The following SHQ1 variants were observed in gnomAD, a reference collection of about 807,000 sequenced individuals.
The protein encoded by SHQ1 is protein SHQ1 homolog.
A neutral mutation model predicts 53.8 loss-of-function variants in SHQ1; 49 were observed. That is an observed-to-expected ratio of 0.91 (90% CI 0.72 to 1.16). The LOEUF is 1.16. Ranked by LOEUF, SHQ1 falls within the 50% of genes most tolerant of loss-of-function variation. The probability of loss-of-function intolerance (pLI) is 0.00; values close to 1 mark genes in which losing one functional copy is unlikely to be tolerated. For missense variants in SHQ1, 738 were observed against 683.1 expected, an observed-to-expected ratio of 1.08 and a Z score of -0.90; for synonymous variants, 243 against 251.0, an observed-to-expected ratio of 0.97 and a Z score of 0.30.
At chr3:72,757,887 C>A (rs1705531982) in intron 10 of SHQ1, among the ~76,000 whole-genome samples, 1 of 152,084 alleles carries the variant, frequency 6.6e-6, no homozygotes, top group Non-Finnish European at 1.5e-5. Flanking sequence ...AGGCTTAATA[C>A]CTGGGTGGTG....
At chr3:72,799,869 T>C (rs565364724) in intron 9 of SHQ1, among the ~76,000 whole-genome samples, 101 of 152,246 alleles carry the variant, frequency 6.6e-4, no homozygotes, top group South Asian at 2.1e-3. Flanking sequence ...AACTCATAAT[T>C]TACCATCTAT....
rs1199236274 is a variant in SHQ1 at position 72,812,787 on chromosome 3, G to T, written c.944C>A (p.Thr315Asn). The change falls in exon 9 of 11, where the codon ACT (threonine) becomes AAT (asparagine). Residue 315 changes from threonine (T) to asparagine (N), a missense_variant. Thr to Asn is a moderately conservative substitution (Grantham distance 65). Transcript: ENST00000325599. ...SPTLCWFETWTNVHDIMVSFG... is the reference protein window; with the variant it reads ...SPTLCWFETWNNVHDIMVSFG... ...AGACACCATGATATCATGAACGTTA[G>T]TCCAAGTCTGTGAAGTGTCATTTTA... 6.2e-7 allele frequency: 1 copy of T among 1,613,816 alleles called. No individual in the cohort carries two copies. The highest frequency in any genetic ancestry group is 8.5e-7 in the Non-Finnish European group (1 of 1,179,950).
chr3:72,827,013 G>A (rs1230156345), intron 5 of SHQ1, among the ~76,000 whole-genome samples: 2 of 152,206 alleles, frequency 1.3e-5, no homozygotes, highest in Non-Finnish European at 2.9e-5. Context: ...GGTGGCCTAG[G>A]ATAAGAGAGT....
chr3:72,777,853 T>C (rs1705988731), intron 10 of SHQ1, among the ~76,000 whole-genome samples: 1 of 152,172 alleles, frequency 6.6e-6, no homozygotes, highest in Admixed American at 6.5e-5. Flanking sequence ...ATTCAGACAA[T>C]GGGATAGTAC....
At chr3:72,777,490 CAG>C (rs1705982577) in intron 10 of SHQ1, among the ~76,000 whole-genome samples, 1 of 152,186 alleles carries the variant, frequency 6.6e-6, no homozygotes, top group Admixed American at 6.5e-5. Context: ...AAAATTACAA[CAG>C]AAACTATTTC....
In SHQ1 at chr3:72,765,530, C is replaced by CATATATATAT. The variant is rs10551107; in HGVS notation, c.1182-14704_1182-14695dup. ...ACCTCTGCCTCCCAGATTCACATGA[C>CATATATATAT]ATATATATATATATATATATATATA... On this transcript the variant is annotated intron_variant, in intron 10 of 10. Coordinates refer to ENST00000325599, the MANE Select transcript of SHQ1 (RefSeq NM_018130.3). 1.9e-4 allele frequency among the ~76,000 whole-genome samples: 16 copies of CATATATATAT among 83,508 alleles called. 1 individual carries two copies. The highest frequency in any genetic ancestry group is 8.0e-4 in the African/African-American group (13 of 16,186). The allele number at this position is 83,508 out of a possible 152,430, so 54.8% of individuals were successfully genotyped here. A position where few individuals can be genotyped will look rare whatever the true frequency, so the allele number is the denominator to read the frequency against.
At chr3:72,781,941 C>A (rs886731054) in intron 10 of SHQ1, among the ~76,000 whole-genome samples, 1 of 151,956 alleles carries the variant, frequency 6.6e-6, no homozygotes, top group Admixed American at 6.5e-5. Context: ...TTTATGTACT[C>A]CCTGGAAAAA....
intron 10 of SHQ1, among the ~76,000 whole-genome samples, chr3:72,763,156 T>G (rs894415307): frequency 6.6e-6 from 1 of 151,692 alleles, no homozygotes. Flanking sequence ...TCTGGTTAAG[T>G]AAAAAACACC....
At chr3:72,754,985 T>C (rs1258912496) in intron 10 of SHQ1, among the ~76,000 whole-genome samples, 1 of 152,200 alleles carries the variant, frequency 6.6e-6, no homozygotes, top group Admixed American at 6.5e-5. Flanking sequence ...TATTGTGTCC[T>C]GTCTTTTATA....
intron 9 of SHQ1, among the ~76,000 whole-genome samples, chr3:72,809,158 G>A (rs1421311395): frequency 6.6e-6 from 1 of 152,114 alleles, no homozygotes; most frequent in African/African-American, 2.4e-5. Flanking sequence ...ACATGGGGTG[G>A]CCAAGTGGAG....
At chr3:72,829,074 T>C (rs1210350115) in intron 5 of SHQ1, among the ~76,000 whole-genome samples, 3 of 146,422 alleles carry the variant, frequency 2.0e-5, no homozygotes, top group Non-Finnish European at 4.5e-5. Flanking sequence ...CAGAGAAAAA[T>C]GGTACAACTT....
At chr3:72,835,751 G>A (rs761849795) in intron 4 of SHQ1, among the ~76,000 whole-genome samples, 7 of 152,092 alleles carry the variant, frequency 4.6e-5, no homozygotes, top group South Asian at 2.1e-4. Context: ...TCTAGATAAC[G>A]TCAATCAATT....
chr3:72,799,756 T>C (rs1575703379), intron 9 of SHQ1, among the ~76,000 whole-genome samples: 1 of 152,234 alleles, frequency 6.6e-6, no homozygotes, highest in African/African-American at 2.4e-5. Context: ...ATTATCTGTA[T>C]ACTCGCAAAC....
At chr3:72,795,661 T>TA (rs1194886720) in intron 9 of SHQ1, 2 of 152,218 alleles carry the variant, frequency 1.3e-5, no homozygotes, top group Non-Finnish European at 2.9e-5. Flanking sequence ...GTTTTAGAAC[T>TA]ACTAAAAGTT....
intron 10 of SHQ1, among the ~76,000 whole-genome samples, chr3:72,757,259 A>G: frequency 6.6e-6 from 1 of 152,216 alleles, no homozygotes; most frequent in East Asian, 1.9e-4. Flanking sequence ...CAGTGAGGCA[A>G]TTCCAGACAG....
intron 10 of SHQ1, chr3:72,772,938 A>G (rs1705886421): frequency 2.3e-6 from 2 of 879,184 alleles, no homozygotes; most frequent in Non-Finnish European, 3.8e-6. Context: ...ACCAGCATGA[A>G]GAATCGGAAG....
At chr3:72,819,268 G>A (rs1260737848) in intron 6 of SHQ1, among the ~76,000 whole-genome samples, 1 of 152,130 alleles carries the variant, frequency 6.6e-6, no homozygotes, top group Non-Finnish European at 1.5e-5. Flanking sequence ...TGACCCATTC[G>A]AATGTGTTTT....
intron 1 of SHQ1, among the ~76,000 whole-genome samples, chr3:72,846,616 G>C (rs954373489): frequency 3.3e-5 from 5 of 152,080 alleles, no homozygotes; most frequent in Non-Finnish European, 7.4e-5. Flanking sequence ...TATTATCAAA[G>C]AATGCCCATC....
intron 10 of SHQ1, chr3:72,773,227 A>G: frequency 1.4e-6 from 1 of 706,330 alleles, no homozygotes; most frequent in South Asian, 1.4e-5. Flanking sequence ...AACATCTTCA[A>G]CGAGAGAAAG....
Sources: allele counts gnomAD v4.1 joint callset (sites outside exome capture counted in the v4.1 genomes callset), GRCh38; gene constraint gnomAD v4.1.1; transcripts MANE v1.5; gene names NCBI Gene and HGNC (gene_info 2026-07-23, HGNC 2026-07-21).